Variants in KSR1 observed in about 807,000 individuals in gnomAD.
The protein encoded by KSR1 is kinase suppressor of ras 1.
In KSR1, 35 loss-of-function variants were observed where a neutral mutation model predicts 92.9. The ratio of observed to expected loss-of-function variants is 0.38; its 90% CI spans 0.29 to 0.50. The LOEUF is 0.50. Among genes scored for constraint, KSR1 ranks in the 20% least tolerant of loss-of-function variants. The pLI is 0.94. For missense variants in KSR1, 972 were observed against 1,158.5 expected, an observed-to-expected ratio of 0.84 and a Z score of 2.34; for synonymous variants, 467 against 472.6, an observed-to-expected ratio of 0.99 and a Z score of 0.15.
At chr17:27,506,144 C>T (rs565175746) in intron 1 of KSR1, among the ~76,000 whole-genome samples, 101 of 152,302 alleles carry the variant, frequency 6.6e-4, no homozygotes, top group African/African-American at 2.3e-3. Flanking sequence ...ATCTGATTCA[C>T]CTCCTCTGCC....
intron 1 of KSR1, among the ~76,000 whole-genome samples, chr17:27,469,126 C>T (rs1235180633): frequency 1.3e-5 from 2 of 152,190 alleles, no homozygotes; most frequent in African/African-American, 4.8e-5. Context: ...CTCATTTCTG[C>T]GGTTCCAGCC....
intron 1 of KSR1, among the ~76,000 whole-genome samples, chr17:27,513,427 T>TA (rs538338466): frequency 4.8e-4 from 70 of 147,046 alleles, no homozygotes; most frequent in South Asian, 3.0e-3. Flanking sequence ...TCCTTCTCTA[T>TA]AAAAAAAAAA....
At chr17:27,504,335 T>C (rs2069298512) in intron 1 of KSR1, among the ~76,000 whole-genome samples, 2 of 152,230 alleles carry the variant, frequency 1.3e-5, no homozygotes, top group South Asian at 2.1e-4. Context: ...TCTGTGAATA[T>C]TTCCAGGGCA....
intron 1 of KSR1, among the ~76,000 whole-genome samples, chr17:27,461,577 G>C (rs2019437985): frequency 6.6e-6 from 1 of 152,224 alleles, no homozygotes; most frequent in South Asian, 2.1e-4. Flanking sequence ...ACAGAGCTGG[G>C]GCTCTGGCCC....
At chr17:27,509,941 AC>A (rs1355677133) in intron 1 of KSR1, among the ~76,000 whole-genome samples, 1 of 152,188 alleles carries the variant, frequency 6.6e-6, no homozygotes, top group Non-Finnish European at 1.5e-5. Flanking sequence ...TAATCTCCTT[AC>A]CTAGAGGTGG....
chr17:27,503,951 A>G (rs1267588741), intron 1 of KSR1, among the ~76,000 whole-genome samples: 1 of 152,226 alleles, frequency 6.6e-6, no homozygotes, highest in Non-Finnish European at 1.5e-5. Flanking sequence ...GGCATAGCCT[A>G]TGCAATCCTG....
intron 1 of KSR1, among the ~76,000 whole-genome samples, chr17:27,503,528 C>T (rs1046601701): frequency 6.6e-6 from 1 of 152,172 alleles, no homozygotes; most frequent in Non-Finnish European, 1.5e-5. Flanking sequence ...AAGACAAAAT[C>T]ATATTCAGCC....
chr17:27,456,929 C>T, intron 1 of KSR1, 55 bp downstream of exon 1: 2 of 751,336 alleles, frequency 2.7e-6, no homozygotes, highest in South Asian at 2.8e-5. Context: ...ACACCTCCCT[C>T]CGGGCCCCAG....
At chr17:27,617,897 A>C (rs954099673) in intron 19 of KSR1, among the ~76,000 whole-genome samples, 1 of 152,134 alleles carries the variant, frequency 6.6e-6, no homozygotes, top group African/African-American at 2.4e-5. Flanking sequence ...CCCTTGCCCA[A>C]GTGATACGAG....
chr17:27,470,338 T>C (rs1478404374), intron 1 of KSR1, among the ~76,000 whole-genome samples: 1 of 145,812 alleles, frequency 6.9e-6, no homozygotes, highest in Non-Finnish European at 1.5e-5. Context: ...GCTTCCCGGG[T>C]TCAAGCAATT....
intron 3 of KSR1, 109 bp from the exon 4 acceptor site, chr17:27,582,537 G>A: frequency 2.0e-6 from 2 of 992,790 alleles, no homozygotes; most frequent in Middle Eastern, 3.3e-4. Context: ...CTTCCCTTAA[G>A]AAACAGTGCA....
intron 3 of KSR1, chr17:27,579,676 G>C (rs1274432627): frequency 6.6e-6 from 1 of 151,800 alleles, no homozygotes; most frequent in Non-Finnish European, 1.5e-5. Flanking sequence ...AGGAGTTCAA[G>C]CCCCCCCTGG....
intron 1 of KSR1, among the ~76,000 whole-genome samples, chr17:27,499,714 A>T (rs569077056): frequency 1.8e-4 from 27 of 152,336 alleles, no homozygotes; most frequent in Non-Finnish European, 3.4e-4. Flanking sequence ...CACAGTGAAG[A>T]TGGGTCTGGC....
At chr17:27,601,880 C>T in intron 11 of KSR1, 3 of 1,603,350 alleles carry the variant, frequency 1.9e-6, no homozygotes, top group Non-Finnish European at 2.6e-6. Context: ...CCCTTCTGTG[C>T]CTTACCACAC....
At chr17:27,522,247 G>A (rs1374284841) in intron 1 of KSR1, among the ~76,000 whole-genome samples, 1 of 152,144 alleles carries the variant, frequency 6.6e-6, no homozygotes, top group Non-Finnish European at 1.5e-5. Context: ...TCCATAGACA[G>A]GCAGAGTCAG....
intron 2 of KSR1, among the ~76,000 whole-genome samples, chr17:27,568,422 C>T (rs894739038): frequency 6.6e-6 from 1 of 152,252 alleles, no homozygotes; most frequent in Middle Eastern, 3.2e-3. Flanking sequence ...GGCTGGTGCC[C>T]GAGGCCTATT....
chr17:27,531,882 A>T (rs2070552440), intron 1 of KSR1, among the ~76,000 whole-genome samples: 2 of 152,238 alleles, frequency 1.3e-5, no homozygotes, highest in Admixed American at 1.3e-4. Flanking sequence ...TTCTCAAAAC[A>T]GTCCCTGTTT....
At chr17:27,586,307 T>C (rs2072966527) in intron 5 of KSR1, among the ~76,000 whole-genome samples, 1 of 152,210 alleles carries the variant, frequency 6.6e-6, no homozygotes, top group African/African-American at 2.4e-5. Flanking sequence ...GAGACAGCTG[T>C]GCCTCTGGAG....
intron 1 of KSR1, among the ~76,000 whole-genome samples, chr17:27,469,133 A>G (rs915273870): frequency 2.0e-5 from 3 of 152,162 alleles, no homozygotes; most frequent in Non-Finnish European, 4.4e-5. Flanking sequence ...CTGCGGTTCC[A>G]GCCTGGAACC....
Sources: gnomAD v4.1 joint callset for allele counts (sites outside exome capture counted in the v4.1 genomes callset) on GRCh38, gnomAD v4.1.1 for gene constraint, MANE v1.5 for transcripts, NCBI Gene and HGNC (gene_info 2026-07-23, HGNC 2026-07-21) for gene names.